CSMD1: variants seen among roughly 807,000 people sequenced by gnomAD.
CSMD1 encodes CUB and sushi domain-containing protein 1.
Under a neutral mutation model 417.5 loss-of-function variants are expected in CSMD1, and 213 were observed. The observed-to-expected ratio is 0.51, with a 90% CI of 0.46 to 0.57. The LOEUF (loss-of-function observed/expected upper bound fraction) is 0.57. Among genes scored for constraint, CSMD1 ranks in the 20% least tolerant of loss-of-function variants. CSMD1 has a pLI of 0.00. For synonymous variants in CSMD1, 2,862 were observed against 1,736.8 expected (o/e 1.65, Z -16.11); for missense variants, 6,923 against 4,529.7 (o/e 1.53, Z -15.17).
intron 1 of CSMD1, among the ~76,000 whole-genome samples, chr8:4,885,620 A>G (rs1299593407): frequency 6.6e-6 from 1 of 151,982 alleles, no homozygotes; most frequent in East Asian, 1.9e-4. Context: ...TTGATATAGT[A>G]TATCACATTA....
chr8:3,278,578 A>T (rs1351707451), intron 26 of CSMD1: 1 of 152,222 alleles, frequency 6.6e-6, no homozygotes, highest in Admixed American at 6.5e-5. Flanking sequence ...ATCATAACTA[A>T]TTCCAATGTT....
At chr8:3,682,157 A>G (rs933268179) in intron 7 of CSMD1, among the ~76,000 whole-genome samples, 1 of 152,212 alleles carries the variant, frequency 6.6e-6, no homozygotes, top group Admixed American at 6.5e-5. Context: ...TAAAACACCA[A>G]AAGCAATGGC....
intron 58 of CSMD1, among the ~76,000 whole-genome samples, 189 bp downstream of exon 58, chr8:2,966,381 G>A (rs1384405503): frequency 1.3e-5 from 2 of 151,968 alleles, no homozygotes; most frequent in African/African-American, 2.4e-5. Flanking sequence ...TCAGCCATAC[G>A]AATAAGCAAC....
chr8:4,574,518 G>A (rs1351563166), intron 2 of CSMD1, among the ~76,000 whole-genome samples: 6 of 152,126 alleles, frequency 3.9e-5, no homozygotes, highest in Admixed American at 2.0e-4. Context: ...GAAATCACCC[G>A]CCTTCTGTGA....
intron 12 of CSMD1, among the ~76,000 whole-genome samples, chr8:3,433,404 C>T (rs1256207965): frequency 6.6e-6 from 1 of 152,162 alleles, no homozygotes; most frequent in East Asian, 1.9e-4. Flanking sequence ...GTGAACTACC[C>T]ACTTTCTTAA....
chr8:4,756,003 G>C (rs767719766), intron 1 of CSMD1, among the ~76,000 whole-genome samples: 1 of 152,100 alleles, frequency 6.6e-6, no homozygotes, highest in East Asian at 1.9e-4. Context: ...GTATGTGTGA[G>C]TATTAAGTCA....
At chr8:3,385,952 G>T (rs926201726) in intron 18 of CSMD1, among the ~76,000 whole-genome samples, 1 of 152,072 alleles carries the variant, frequency 6.6e-6, no homozygotes, top group East Asian at 1.9e-4. Flanking sequence ...ATCTGTGATT[G>T]TCGTGAAATA....
In CSMD1 at chr8:4,646,615, T is replaced by C. The variant is rs141612320; in HGVS notation, c.86-9057A>G. Among the ~76,000 whole-genome samples, 656 of 152,188 alleles carry C rather than the reference T, an allele frequency of 4.3e-3. 4 individuals carry two copies. Among genetic ancestry groups the C allele is most frequent in the Middle Eastern group, 0.01 (3 of 294 alleles). ...TTTCTGTGTAGATATATGAGTGCCA[T>C]AGTTGTCTTTCCTCAACAATGAAGA... On this transcript the variant is annotated intron_variant, in intron 1 of 69. Transcript: ENST00000635120.
chr8:4,809,281 T>C (rs1798767548), intron 1 of CSMD1, among the ~76,000 whole-genome samples: 1 of 152,224 alleles, frequency 6.6e-6, no homozygotes, highest in Non-Finnish European at 1.5e-5. Context: ...AAGAAAATCA[T>C]TAAATGTGTT....
chr8:2,945,774 C>G (rs1802190201), intron 68 of CSMD1, among the ~76,000 whole-genome samples: 1 of 152,092 alleles, frequency 6.6e-6, no homozygotes. Context: ...TTATTGGTTC[C>G]TTGGCTGTTG....
chr8:4,994,716 G>C lies in CSMD1; in HGVS notation c.-300C>G, dbSNP rs1811665711. 5.7e-6 allele frequency: 2 copies of C among 352,826 alleles called. No homozygotes were observed. The highest frequency in any genetic ancestry group is 4.7e-5 in the South Asian group (1 of 21,350). 21.9% of individuals were successfully genotyped at this position (352,826 alleles called of 1,614,324 possible). On this transcript the variant is annotated 5_prime_UTR_variant, in exon 1 of 70. Transcript: ENST00000635120. The stretch of plus-strand genomic sequence containing the variant: ...GGGCAGGAAGGCACCAAGGCGGCGA[G>C]GCTGCGGGAGGGGGAGAAGCGGGGA...
intron 23 of CSMD1, among the ~76,000 whole-genome samples, chr8:3,336,028 A>G (rs1045376256): frequency 3.9e-5 from 6 of 152,170 alleles, no homozygotes; most frequent in Admixed American, 1.3e-4. Flanking sequence ...CATTTCTCCC[A>G]TAGGACTGTG....
intron 5 of CSMD1, among the ~76,000 whole-genome samples, chr8:3,775,277 G>C (rs1798836732): frequency 6.6e-6 from 1 of 152,180 alleles, no homozygotes; most frequent in African/African-American, 2.4e-5. Context: ...TTTAAAGACA[G>C]TGAAAAATAA....
chr8:3,637,651 AT>A (rs1195948508), intron 7 of CSMD1, among the ~76,000 whole-genome samples: 1 of 152,196 alleles, frequency 6.6e-6, no homozygotes, highest in Non-Finnish European at 1.5e-5. Flanking sequence ...CTATGATTCA[AT>A]CCCCCCAACA....
At chr8:3,286,959 C>G (rs1390112317) in intron 25 of CSMD1, among the ~76,000 whole-genome samples, 1 of 152,016 alleles carries the variant, frequency 6.6e-6, no homozygotes, top group Non-Finnish European at 1.5e-5. Context: ...GGTTTTAGTT[C>G]TAACATTTAA....
At chr8:4,056,672 C>T (rs560765542) in intron 3 of CSMD1, among the ~76,000 whole-genome samples, 2 of 151,980 alleles carry the variant, frequency 1.3e-5, no homozygotes, top group Non-Finnish European at 2.9e-5. Context: ...TCTCCTCATG[C>T]TATCCCTCCC....
At chr8:3,348,717 A>G (rs774628234) in intron 21 of CSMD1, among the ~76,000 whole-genome samples, 3 of 152,220 alleles carry the variant, frequency 2.0e-5, no homozygotes, top group Admixed American at 6.5e-5. Context: ...AGAACATTCA[A>G]TGGCAGTAAT....
chr8:4,487,817 A>G (rs895325668), intron 2 of CSMD1, among the ~76,000 whole-genome samples: 1 of 94,536 alleles, frequency 1.1e-5, no homozygotes, highest in Non-Finnish European at 2.7e-5. Flanking sequence ...TAGGCAAGAG[A>G]GAGATAACAA....
At chr8:4,285,977 G>T (rs1200898576) in intron 3 of CSMD1, among the ~76,000 whole-genome samples, 2 of 152,104 alleles carry the variant, frequency 1.3e-5, no homozygotes, top group African/African-American at 4.8e-5. Flanking sequence ...CGTATGCAGT[G>T]AGTCACCTTT....
Sources: gnomAD v4.1 joint callset for allele counts (sites outside exome capture counted in the v4.1 genomes callset) on GRCh38, gnomAD v4.1.1 for gene constraint, MANE v1.5 for transcripts, NCBI Gene and HGNC (gene_info 2026-07-23, HGNC 2026-07-21) for gene names.